RGS6: variants seen among roughly 807,000 people sequenced by gnomAD.
RGS6 encodes the protein regulator of G-protein signaling 6.
Under a neutral mutation model 78.5 loss-of-function variants are expected in RGS6, and 30 were observed. The ratio of observed to expected loss-of-function variants is 0.38; its 90% CI spans 0.29 to 0.52. The LOEUF (loss-of-function observed/expected upper bound fraction) is 0.52, where lower values mean the gene tolerates loss of function less well. Among genes scored for constraint, RGS6 ranks in the 20% least tolerant of loss-of-function variants. The pLI is 0.85. For synonymous variants in RGS6, 206 were observed against 206.0 expected, an observed-to-expected ratio of 1.00 and a Z score of 0.00; for missense variants, 495 against 609.7, an observed-to-expected ratio of 0.81 and a Z score of 1.98.
chr14:71,885,824 G>A, the RGS6 span, among the ~76,000 whole-genome samples: 1 of 152,062 alleles, frequency 6.6e-6, no homozygotes, highest in Non-Finnish European at 1.5e-5. Flanking sequence ...CCCATATAGT[G>A]TCTCTCTCTG....
chr14:72,043,189 C>T (rs1477474551), intron 2 of RGS6, among the ~76,000 whole-genome samples: 4 of 151,892 alleles, frequency 2.6e-5, no homozygotes, highest in Admixed American at 1.3e-4. Context: ...TCCCCTGATT[C>T]GTAGTCTGCA....
At chr14:72,110,148 C>T (rs917742719) in intron 2 of RGS6, among the ~76,000 whole-genome samples, 2 of 152,224 alleles carry the variant, frequency 1.3e-5, no homozygotes, top group Non-Finnish European at 2.9e-5. Context: ...CACCAGATAA[C>T]TTGCTGTATT....
intron 6 of RGS6, among the ~76,000 whole-genome samples, chr14:72,465,550 C>CTGGATGGATGGATGGA (rs563552344): frequency 1.7e-4 from 19 of 110,366 alleles, no homozygotes; most frequent in African/African-American, 2.6e-4. Context: ...GGCGGGCTGT[C>CTGGATGGATGGATGGA]TGGATGGATG....
intron 2 of RGS6, among the ~76,000 whole-genome samples, chr14:72,243,646 A>G (rs1376461283): frequency 6.6e-6 from 1 of 152,174 alleles, no homozygotes; most frequent in African/African-American, 2.4e-5. Flanking sequence ...TTTTGTTTAG[A>G]TTTAATATGA....
intron 14 of RGS6, among the ~76,000 whole-genome samples, chr14:72,516,299 G>A (rs953334690): frequency 2.6e-5 from 4 of 152,316 alleles, no homozygotes; most frequent in African/African-American, 4.8e-5. Context: ...TGAGAGAGTG[G>A]ACAGAGAGCC....
chr14:72,525,725 G>A (rs188048784), intron 15 of RGS6, among the ~76,000 whole-genome samples: 6 of 152,320 alleles, frequency 3.9e-5, no homozygotes, highest in Admixed American at 2.0e-4. Context: ...GCGGCATTGC[G>A]TGCCAGTATC....
intron 17 of RGS6, among the ~76,000 whole-genome samples, chr14:72,554,731 C>A (rs1186824430): frequency 2.0e-5 from 3 of 152,092 alleles, no homozygotes; most frequent in Non-Finnish European, 2.9e-5. Flanking sequence ...GTTGTTCCGT[C>A]AGATGAGAGG....
intron 2 of RGS6, among the ~76,000 whole-genome samples, chr14:72,342,282 G>A (rs1010157474): frequency 6.6e-6 from 1 of 152,128 alleles, no homozygotes; most frequent in Non-Finnish European, 1.5e-5. Context: ...GAAGCTCCCA[G>A]AGGCCAGGTG....
At chr14:72,279,785 A>G (rs737498) in intron 2 of RGS6, among the ~76,000 whole-genome samples, 85,329 of 152,020 alleles carry the variant, frequency 0.56, 24,878 homozygotes, top group Non-Finnish European at 0.64. Flanking sequence ...CAAGGGTGGC[A>G]ATTGAGATAG....
intron 2 of RGS6, among the ~76,000 whole-genome samples, chr14:72,205,049 C>A (rs1363022113): frequency 6.6e-6 from 1 of 152,176 alleles, no homozygotes; most frequent in African/African-American, 2.4e-5. Context: ...AGATAGAGGG[C>A]AGAGCAGAGG....
At chr14:72,453,114 G>A (rs993421606) in intron 3 of RGS6, among the ~76,000 whole-genome samples, 1 of 152,156 alleles carries the variant, frequency 6.6e-6, no homozygotes, top group Non-Finnish European at 1.5e-5. Flanking sequence ...ATCATCAAAT[G>A]GCAAAACTGA....
intron 3 of RGS6, among the ~76,000 whole-genome samples, chr14:72,453,831 C>T (rs2095559598): frequency 6.6e-6 from 1 of 152,026 alleles, no homozygotes; most frequent in Admixed American, 6.6e-5. Context: ...TCTGCATTCC[C>T]CCAGGTCTTT....
chr14:72,057,819 A>G lies in RGS6; in HGVS notation c.84+92944A>G, dbSNP rs1369215649. Among the ~76,000 whole-genome samples, 2 of 152,180 alleles carry G rather than the reference A, an allele frequency of 1.3e-5. 1 individual carries two copies. Among genetic ancestry groups the G allele is most frequent in the East Asian group, 3.9e-4 (2 of 5,186 alleles). On this transcript the variant is annotated intron_variant, in intron 2 of 17. Transcript: ENST00000553525. The stretch of plus-strand genomic sequence containing the variant: ...CCCATGATCTCTCCTCCAAGTTCTC[A>G]GGATGTTCAGAAAGTTAAAATTTCA...
the RGS6 span, among the ~76,000 whole-genome samples, chr14:72,600,182 AG>A: frequency 6.6e-6 from 1 of 151,550 alleles, no homozygotes; most frequent in African/African-American, 2.4e-5. Context: ...CCCTCTGCCC[AG>A]CCCAGCCCCA....
At chr14:71,914,707 T>C in the RGS6 span, among the ~76,000 whole-genome samples, 2 of 152,092 alleles carry the variant, frequency 1.3e-5, no homozygotes, top group African/African-American at 2.4e-5. Context: ...AATGTACAAG[T>C]AGTGTTTTTT....
chr14:72,227,946 A>G (rs1347536165), intron 2 of RGS6, among the ~76,000 whole-genome samples: 2 of 152,188 alleles, frequency 1.3e-5, no homozygotes, highest in African/African-American at 4.8e-5. Context: ...CTGGGATTGG[A>G]GAACCTGTTC....
chr14:72,362,448 TCTG>T (rs555814672), intron 3 of RGS6, among the ~76,000 whole-genome samples: 118 of 152,364 alleles, frequency 7.7e-4, no homozygotes, highest in African/African-American at 2.7e-3. Flanking sequence ...TCTGGGCAGT[TCTG>T]CTGGTCTCAG....
intron 2 of RGS6, among the ~76,000 whole-genome samples, chr14:72,272,843 A>C (rs2153927412): frequency 6.6e-6 from 1 of 152,332 alleles, no homozygotes; most frequent in Middle Eastern, 3.4e-3. Flanking sequence ...GACCAGGTGC[A>C]ATGGCTCACG....
chr14:72,332,151 C>A (rs758390380), intron 2 of RGS6, among the ~76,000 whole-genome samples: 1 of 152,138 alleles, frequency 6.6e-6, no homozygotes, highest in African/African-American at 2.4e-5. Flanking sequence ...CTGGGGAAAC[C>A]GTCTGACAGA....
Sources: gnomAD v4.1 joint callset for allele counts (sites outside exome capture counted in the v4.1 genomes callset) on GRCh38, gnomAD v4.1.1 for gene constraint, MANE v1.5 for transcripts, NCBI Gene and HGNC (gene_info 2026-07-23, HGNC 2026-07-21) for gene names.